The following NTNG1 variants were observed in gnomAD, a reference collection of about 807,000 sequenced individuals.
NTNG1 encodes netrin G1, also known as netrin-G1.
In NTNG1, 16 loss-of-function variants were observed where a neutral mutation model predicts 54.0. That is an observed-to-expected ratio of 0.30 (90% CI 0.20 to 0.45). The LOEUF is 0.45. Among genes scored for constraint, NTNG1 ranks in the 20% least tolerant of loss-of-function variants. NTNG1 has a pLI of 1.00. For missense variants in NTNG1, 530 were observed against 678.7 expected (o/e 0.78, Z 2.43); for synonymous variants, 255 against 263.1 (o/e 0.97, Z 0.30).
At chr1:107,411,952 A>G (rs1673842078) in intron 5 of NTNG1, among the ~76,000 whole-genome samples, 1 of 152,214 alleles carries the variant, frequency 6.6e-6, no homozygotes, top group Non-Finnish European at 1.5e-5. Context: ...CGAATATTCC[A>G]ATGGAGGAGC....
intron 2 of NTNG1, among the ~76,000 whole-genome samples, chr1:107,314,856 A>G (rs902855293): frequency 1.3e-5 from 2 of 152,210 alleles, no homozygotes; most frequent in African/African-American, 2.4e-5. Flanking sequence ...AGTTACTTAA[A>G]TGATTTGTAC....
chr1:107,281,785 C>G (rs1462762698), intron 2 of NTNG1, among the ~76,000 whole-genome samples: 1 of 151,970 alleles, frequency 6.6e-6, no homozygotes, highest in East Asian at 1.9e-4. Flanking sequence ...AAACTTTTAC[C>G]AGAATGTAAA....
chr1:107,365,763 G>T (rs1557936553), intron 3 of NTNG1, among the ~76,000 whole-genome samples: 1 of 152,152 alleles, frequency 6.6e-6, no homozygotes, highest in East Asian at 1.9e-4. Context: ...TGCTTTAAAG[G>T]TCTGAAACTA....
chr1:107,306,282 G>C (rs1213903901), intron 2 of NTNG1, among the ~76,000 whole-genome samples: 1 of 152,066 alleles, frequency 6.6e-6, no homozygotes, highest in Non-Finnish European at 1.5e-5. Flanking sequence ...AAAGTTACTA[G>C]CGAGGTATTC....
chr1:107,350,796 C>G (rs1669553725), intron 3 of NTNG1, among the ~76,000 whole-genome samples: 1 of 152,096 alleles, frequency 6.6e-6, no homozygotes, highest in Non-Finnish European at 1.5e-5. Context: ...AGAAGTCTAA[C>G]AAATTGAAGC....
At chr1:107,363,651 G>T (rs1241837360) in intron 3 of NTNG1, among the ~76,000 whole-genome samples, 2 of 151,988 alleles carry the variant, frequency 1.3e-5, no homozygotes, top group Admixed American at 1.3e-4. Flanking sequence ...GTGGAATGTG[G>T]ATCCTCTCTT....
chr1:107,258,408 AC>A (rs1390599063), intron 2 of NTNG1, among the ~76,000 whole-genome samples: 1 of 152,072 alleles, frequency 6.6e-6, no homozygotes, highest in Admixed American at 6.6e-5. Context: ...CAAAAAACCC[AC>A]CTCTATAATA....
chr1:107,439,567 T>G (rs937053998), intron 7 of NTNG1, among the ~76,000 whole-genome samples: 2 of 152,252 alleles, frequency 1.3e-5, no homozygotes, highest in East Asian at 1.9e-4. Flanking sequence ...ATATATAAAT[T>G]TAACATCGTC....
chr1:107,226,330 G>C (rs1298816177), intron 2 of NTNG1, among the ~76,000 whole-genome samples: 2 of 152,108 alleles, frequency 1.3e-5, no homozygotes, highest in African/African-American at 4.8e-5. Flanking sequence ...CTGCTATTCA[G>C]ATGCAACCAT....
At chr1:107,206,460 G>T (rs1365122956) in intron 2 of NTNG1, among the ~76,000 whole-genome samples, 1 of 152,038 alleles carries the variant, frequency 6.6e-6, no homozygotes, top group Non-Finnish European at 1.5e-5. Flanking sequence ...TTTTAGTCAA[G>T]TCTATCTTTC....
At chr1:107,147,705 G>T (rs1040965410) in intron 1 of NTNG1, among the ~76,000 whole-genome samples, 20 of 152,120 alleles carry the variant, frequency 1.3e-4, no homozygotes, top group Non-Finnish European at 1.8e-4. Context: ...TTATAAAAGT[G>T]CTCATTTACC....
chr1:107,147,105 C>T (rs1015438432), intron 1 of NTNG1, among the ~76,000 whole-genome samples: 2 of 152,044 alleles, frequency 1.3e-5, no homozygotes, highest in African/African-American at 4.8e-5. Context: ...GATCTCTAAA[C>T]AGAAAAGTGG....
At chr1:107,459,949 G>A (rs1677180288) in intron 7 of NTNG1, among the ~76,000 whole-genome samples, 1 of 152,154 alleles carries the variant, frequency 6.6e-6, no homozygotes, top group Non-Finnish European at 1.5e-5. Flanking sequence ...TACACTCAGG[G>A]AGAGCAAATG....
chr1:107,475,648 G>A (rs1678269788), intron 7 of NTNG1, among the ~76,000 whole-genome samples: 3 of 152,142 alleles, frequency 2.0e-5, no homozygotes, highest in Non-Finnish European at 2.9e-5. Context: ...AAATGACAAA[G>A]TTTCTTTATT....
intron 2 of NTNG1, among the ~76,000 whole-genome samples, chr1:107,255,868 T>A (rs780149909): frequency 3.9e-5 from 6 of 152,208 alleles, no homozygotes; most frequent in African/African-American, 4.8e-5. Context: ...TAATTGTATC[T>A]TTTACAACTA....
chr1:107,361,061 CA>C (rs548194513), intron 3 of NTNG1, among the ~76,000 whole-genome samples: 126 of 143,670 alleles, frequency 8.8e-4, no homozygotes, highest in African/African-American at 2.9e-3. Context: ...TACATAGCTC[CA>C]AAAAAAAGGC....
At chr1:107,447,460 C>T (rs1466002826) in intron 7 of NTNG1, among the ~76,000 whole-genome samples, 1 of 152,046 alleles carries the variant, frequency 6.6e-6, no homozygotes, top group Non-Finnish European at 1.5e-5. Flanking sequence ...TAAGTCTTTC[C>T]TGAAATATTA....
chr1:107,205,692 C>A (rs1659137992), intron 2 of NTNG1, among the ~76,000 whole-genome samples: 6 of 151,884 alleles, frequency 4.0e-5, no homozygotes, highest in Admixed American at 3.9e-4. Flanking sequence ...GTATACAGAA[C>A]AATGAATTTT....
chr1:107,434,714 TGAAGC>T (rs941498279), intron 6 of NTNG1, among the ~76,000 whole-genome samples: 1 of 152,186 alleles, frequency 6.6e-6, no homozygotes, highest in Non-Finnish European at 1.5e-5. Flanking sequence ...AACTTTTAAA[TGAAGC>T]ACCCCCTGCC....
Sources: gnomAD v4.1 joint callset for allele counts (sites outside exome capture counted in the v4.1 genomes callset) on GRCh38, gnomAD v4.1.1 for gene constraint, MANE v1.5 for transcripts, NCBI Gene and HGNC (gene_info 2026-07-23, HGNC 2026-07-21) for gene names.